The following TASOR variants were observed in gnomAD, a reference collection of about 807,000 sequenced individuals.
TASOR encodes the protein protein TASOR.
TASOR carries 53 observed loss-of-function variants against 178.6 expected under a neutral mutation model. The ratio of observed to expected loss-of-function variants is 0.30; its 90% CI spans 0.24 to 0.37. The LOEUF (loss-of-function observed/expected upper bound fraction) is 0.37. TASOR is among the 10% of genes least tolerant of loss of function. TASOR has a pLI of 1.00. For missense variants in TASOR, 1,815 were observed against 1,971.4 expected, an observed-to-expected ratio of 0.92 and a Z score of 1.50; for synonymous variants, 713 against 696.2, an observed-to-expected ratio of 1.02 and a Z score of -0.38.
intron 14 of TASOR, among the ~76,000 whole-genome samples, chr3:56,645,319 G>T (rs906922865): frequency 6.6e-6 from 1 of 152,024 alleles, no homozygotes; most frequent in Non-Finnish European, 1.5e-5. Context: ...GAAAAGTGAG[G>T]ATACAAATAC....
At chr3:56,668,910 T>C (rs753017714) in intron 5 of TASOR, among the ~76,000 whole-genome samples, 4 of 152,142 alleles carry the variant, frequency 2.6e-5, no homozygotes, top group African/African-American at 9.7e-5. Context: ...GAGGCGGAGG[T>C]TGCAGTGAGC....
chr3:56,653,803 A>AT (rs2077411131), intron 11 of TASOR, among the ~76,000 whole-genome samples: 1 of 152,302 alleles, frequency 6.6e-6, no homozygotes, highest in Admixed American at 6.5e-5. Flanking sequence ...TCTACATCAT[A>AT]TATCAAAGTT....
At chr3:56,628,830 A>C (rs919051098) in intron 18 of TASOR, 75 of 329,912 alleles carry the variant, frequency 2.3e-4, no homozygotes, top group Non-Finnish European at 4.0e-4. Context: ...GCATGATCAC[A>C]GCTCACTGCA....
chr3:56,658,901 C>A (rs955770323), intron 11 of TASOR, among the ~76,000 whole-genome samples: 1 of 143,446 alleles, frequency 7.0e-6, no homozygotes, highest in African/African-American at 2.7e-5. Flanking sequence ...GCGAGAGAGT[C>A]TGTCTCAAAA....
chr3:56,650,757 G>A (rs575474685), intron 11 of TASOR, among the ~76,000 whole-genome samples: 1 of 152,274 alleles, frequency 6.6e-6, no homozygotes, highest in African/African-American at 2.4e-5. Flanking sequence ...CTGACATATA[G>A]TATTGGCCCT....
At chr3:56,673,859 G>A in intron 1 of TASOR, 134 bp from the exon 2 acceptor site, 6 of 725,164 alleles carry the variant, frequency 8.3e-6, no homozygotes, top group Middle Eastern at 4.1e-4. Context: ...TTTGTGATAC[G>A]CAAAAGAGAT....
At chr3:56,623,640 T>TC (rs2076737132) in intron 23 of TASOR, 74 bp from the exon 24 acceptor site, 2 of 1,543,272 alleles carry the variant, frequency 1.3e-6, no homozygotes, top group Non-Finnish European at 1.7e-6. Flanking sequence ...TATACACTAC[T>TC]CACACAATAT....
intron 21 of TASOR, among the ~76,000 whole-genome samples, chr3:56,625,929 A>C (rs2076789681): frequency 6.6e-6 from 1 of 152,128 alleles, no homozygotes; most frequent in Non-Finnish European, 1.5e-5. Flanking sequence ...GCCAGCTCTA[A>C]GCTGTTTCTA....
chr3:56,631,502 C>G (rs758039552), intron 18 of TASOR, among the ~76,000 whole-genome samples: 3 of 152,066 alleles, frequency 2.0e-5, no homozygotes, highest in Admixed American at 6.6e-5. Flanking sequence ...CATTTACCTA[C>G]CTACTGGTAA....
intron 21 of TASOR, 27 bp from the exon 22 acceptor site, chr3:56,625,033 G>C (rs781684557): frequency 6.3e-7 from 1 of 1,589,370 alleles, no homozygotes; most frequent in South Asian, 1.1e-5. Flanking sequence ...TTCAGTTTCT[G>C]GATCTGTACT....
intron 1 of TASOR, among the ~76,000 whole-genome samples, chr3:56,678,427 C>T (rs892009041): frequency 6.6e-6 from 1 of 151,760 alleles, no homozygotes; most frequent in Non-Finnish European, 1.5e-5. Flanking sequence ...GTGATTCGCC[C>T]ACCTCGGCCT....
At position 56,623,364 on chromosome 3, in the gene TASOR, A is replaced by G. The variant is rs185985978; in HGVS notation, c.4686T>C (p.Asp1562=). 1.2e-6 allele frequency: 2 copies of G among 1,613,674 alleles called. No individual in the cohort carries two copies. Among genetic ancestry groups the G allele is most frequent in the South Asian group, 1.1e-5 (1 of 91,070 alleles). The change falls in exon 24 of 24, where the codon GAT becomes GAC. Residue 1562 remains aspartate (D), a synonymous_variant. Transcript: ENST00000683822. The stretch of plus-strand genomic sequence containing the variant: ...TCTCTTCAGAATCAAGGTAAGTCTT[A>G]TCTTCTAATAAACTGTTTTGCACAT... ...SPDVQNSLLE[D]KTYLDSEERT...
chr3:56,663,802 G>T (rs2077650160), intron 7 of TASOR: 7 of 1,011,736 alleles, frequency 6.9e-6, no homozygotes, highest in Middle Eastern at 4.9e-4. Flanking sequence ...CAAATTTAAG[G>T]GAGTTGTTTT....
In TASOR at chr3:56,627,106, C is replaced by A; in HGVS notation, c.4070G>T (p.Ser1357Ile). 1 of 1,612,382 alleles carries A rather than the reference C, an allele frequency of 6.2e-7. No homozygotes were observed. The highest frequency in any genetic ancestry group is 8.5e-7 in the Non-Finnish European group (1 of 1,179,270). Residue 1357 changes from serine to isoleucine, a missense_variant, in exon 21 of 24, where the codon AGT (serine) becomes ATT (isoleucine). By Grantham distance (142) the Ser-to-Ile change is moderately radical. Transcript: ENST00000683822. The stretch of plus-strand genomic sequence containing the variant: ...CCATTGCCATTTTCCTTCTGGAGTA[C>A]TAAGTTCCTCAAGGAATGTCAAAAA... ...KNFLTFLEEL[S>I]TPEGKWQWKV...
chr3:56,640,851 G>A (rs775870965), intron 15 of TASOR, among the ~76,000 whole-genome samples: 1 of 152,094 alleles, frequency 6.6e-6, no homozygotes, highest in Non-Finnish European at 1.5e-5. Flanking sequence ...ACTCTAATAA[G>A]CAAGGCTGAG....
rs1214216357 is a variant in TASOR, at chr3:56,621,841, GTTC to G, written c.*1193_*1195del. ...AGTAAAAAAAAAAAAAAAAAAACCGGTTCTTCTGCTCTGTCACCACCTGGGTAT... is the reference window on the plus strand; with the variant it reads ...AGTAAAAAAAAAAAAAAAAAAACCGGTTCTGCTCTGTCACCACCTGGGTAT... On this transcript the variant is annotated 3_prime_UTR_variant, in exon 24 of 24. Transcript: ENST00000683822. The G allele has an allele frequency of 8.1e-6, 2 of 247,482 alleles. No homozygotes were observed. Among genetic ancestry groups the G allele is most frequent in the East Asian group, 7.4e-5 (1 of 13,576 alleles). The allele number at this position is 247,482 out of a possible 1,614,324, so 15.3% of individuals were successfully genotyped here. A position where few individuals can be genotyped will look rare whatever the true frequency, so the allele number is the denominator to read the frequency against.
rs1240728675 is a variant in TASOR, at chr3:56,646,669, A to T, written c.2068T>A (p.Cys690Ser). The part of the protein sequence containing the change: ...RVKELINLIQ[C>S]RKKSVGGDSD... ...TCCCCACCCACACTCTTTTTCCTAC[A>T]CTGAATTAAATTAATCAATTCTTTG... is the stretch of plus-strand genomic sequence containing the variant. Residue 690 changes from cysteine (C) to serine (S), a missense_variant, in exon 14 of 24, where the codon TGT becomes AGT. Physicochemically the swap from Cys to Ser is moderately radical, Grantham distance 112. Around this residue, in one of 5 missense-constraint regions of TASOR, gnomAD observed 504 missense variants for 645.3 expected, o/e 0.78. Coordinates refer to ENST00000683822, the MANE Select transcript of TASOR (RefSeq NM_001365635.2). 1.2e-6 allele frequency: 2 copies of T among 1,613,714 alleles called. No individual in the cohort carries two copies. The highest frequency in any genetic ancestry group is 1.7e-6 in the Non-Finnish European group (2 of 1,179,988).
rs1578186513 is a variant in TASOR at position 56,627,797 on chromosome 3, T to G, written c.3871-56A>C. ...AGATGGAGGGAATGAATTGACAGAC[T>G]CAAGTGTGAAGGAACCTACAAGAAG... is the stretch of plus-strand genomic sequence containing the variant. On this transcript the variant is annotated intron_variant, in intron 19 of 23. Transcript: ENST00000683822. 4 of 1,551,884 alleles carry G rather than the reference T, an allele frequency of 2.6e-6. No individual in the cohort carries two copies. In the East Asian group the frequency reaches 9.0e-5, roughly 35 times the overall value.
intron 18 of TASOR, among the ~76,000 whole-genome samples, chr3:56,630,566 G>A (rs1358379392): frequency 2.0e-5 from 3 of 152,184 alleles, no homozygotes; most frequent in Admixed American, 6.5e-5. Flanking sequence ...TGTAACGGCT[G>A]GGTGCGATGG....
Sources: allele counts gnomAD v4.1 joint callset (sites outside exome capture counted in the v4.1 genomes callset), GRCh38; gene constraint gnomAD v4.1.1; regional missense constraint gnomAD v4.1.1; transcripts MANE v1.5; gene names NCBI Gene and HGNC (gene_info 2026-07-23, HGNC 2026-07-21).